Variants in TBC1D22B observed in about 807,000 individuals in gnomAD.
TBC1D22B encodes chromosome 6 open reading frame 197.
Under a neutral mutation model 69.1 loss-of-function variants are expected in TBC1D22B, and 32 were observed. The ratio of observed to expected loss-of-function variants is 0.46; its 90% CI spans 0.35 to 0.62. TBC1D22B has a LOEUF of 0.62. Ranked by LOEUF, TBC1D22B falls within the 20% of genes least tolerant of loss-of-function variation. TBC1D22B has a pLI of 0.00. For synonymous variants in TBC1D22B, 206 were observed against 229.8 expected (o/e 0.90, Z 0.94); for missense variants, 462 against 630.9 (o/e 0.73, Z 2.87).
At chr6:37,278,862 G>C (rs534777877) in intron 2 of TBC1D22B, among the ~76,000 whole-genome samples, 4 of 152,164 alleles carry the variant, frequency 2.6e-5, no homozygotes, top group Admixed American at 6.5e-5. Flanking sequence ...GAGCCCAGGA[G>C]GTCAAGGCTG....
chr6:37,267,431 A>G (rs1354802092), intron 1 of TBC1D22B, among the ~76,000 whole-genome samples: 1 of 144,118 alleles, frequency 6.9e-6, no homozygotes, highest in Non-Finnish European at 1.5e-5. Context: ...CATATAATAT[A>G]TATACACACA....
In TBC1D22B at chr6:37,279,414, A is replaced by T. The variant is rs1361972637; in HGVS notation, c.224A>T (p.Asp75Val). Reference protein sequence around the residue: ...NTSDAWDIGDDEEEDFSSPSF... With the variant: ...NTSDAWDIGDVEEEDFSSPSF... ...AGTGATGCTTGGGACATTGGCGATGATGAGGAAGAGGACTTTTCCTCACCT... is the reference window on the plus strand; with the variant it reads ...AGTGATGCTTGGGACATTGGCGATGTTGAGGAAGAGGACTTTTCCTCACCT... Residue 75 changes from aspartate to valine, a missense_variant, in exon 3 of 13, where the codon GAT (aspartate) becomes GTT (valine). By Grantham distance (152) the Asp-to-Val change is radical (BLOSUM62 -3). This residue lies in a region of TBC1D22B where 237 missense variants were observed against 255.4 expected (regional missense o/e 0.93). Coordinates refer to ENST00000373491, the MANE Select transcript of TBC1D22B (RefSeq NM_017772.4). 6.8e-6 allele frequency: 11 copies of T among 1,614,212 alleles called. No homozygotes were observed. Among genetic ancestry groups the T allele is most frequent in the Non-Finnish European group, 9.3e-6 (11 of 1,180,028 alleles).
intron 8 of TBC1D22B, among the ~76,000 whole-genome samples, chr6:37,298,538 A>ATTTTTTTTTTTT (rs1767459078): frequency 1.8e-5 from 2 of 112,878 alleles, no homozygotes; most frequent in African/African-American, 7.2e-5. Context: ...AGTTGCCTAC[A>ATTTTTTTTTTTT]GTTTTTTTTT....
At chr6:37,293,603 A>G (rs9462290) in intron 8 of TBC1D22B, among the ~76,000 whole-genome samples, 1,579 of 152,282 alleles carry the variant, frequency 0.01, 24 homozygotes, top group African/African-American at 0.036. Context: ...AATTAGGTCA[A>G]TTAATAACCC....
chr6:37,261,678 C>T (rs969649758), intron 1 of TBC1D22B, among the ~76,000 whole-genome samples: 6 of 152,118 alleles, frequency 3.9e-5, no homozygotes, highest in African/African-American at 9.6e-5. Flanking sequence ...AGGATAGTTA[C>T]GATGATAGTA....
intron 6 of TBC1D22B, among the ~76,000 whole-genome samples, chr6:37,285,315 CTTTTTTTTTT>C (rs756459599): frequency 1.1e-4 from 8 of 73,552 alleles, no homozygotes; most frequent in African/African-American, 3.0e-4. Flanking sequence ...TCCTTCCCCA[CTTTTTTTTTT>C]TTTTTTTTTT....
At position 37,331,280 on chromosome 6, in the gene TBC1D22B, C is replaced by A; in HGVS notation, c.*108C>A. ...CCGGCCAGGAACCACTCCTGTTGTACAAAGCTCACACCCACCGCCCAGGTC... is the reference window on the plus strand; with the variant it reads ...CCGGCCAGGAACCACTCCTGTTGTAAAAAGCTCACACCCACCGCCCAGGTC... On this transcript the variant is annotated 3_prime_UTR_variant, in exon 13 of 13. Coordinates refer to ENST00000373491, the MANE Select transcript of TBC1D22B (RefSeq NM_017772.4). 1 of 1,173,034 alleles carries A rather than the reference C, an allele frequency of 8.5e-7. No individual in the cohort carries two copies. Among genetic ancestry groups the A allele is most frequent in the Non-Finnish European group, 1.2e-6 (1 of 803,176 alleles). The allele number at this position is 1,173,034 out of a possible 1,614,324, so 72.7% of individuals were successfully genotyped here.
At chr6:37,315,850 C>T (rs534040667) in intron 10 of TBC1D22B, among the ~76,000 whole-genome samples, 1 of 152,336 alleles carries the variant, frequency 6.6e-6, no homozygotes, top group East Asian at 1.9e-4. Context: ...GCTGGGATTA[C>T]AGGTGTGAGC....
rs534649792 is a variant in TBC1D22B, at chr6:37,314,253, A to G, written c.1165+362A>G. On this transcript the variant is annotated intron_variant, in intron 10 of 12. Transcript: ENST00000373491. ...TCTCTTCCAAACTATCTGTCACGCA[A>G]TTGCATCTTTCTGCAGCTCTGTTCT... Among the ~76,000 whole-genome samples the G allele has an allele frequency of 4.6e-5, 7 of 152,042 alleles. No homozygotes were observed. The East Asian group carries it at 1.2e-3, about 25-fold the overall frequency.
intron 2 of TBC1D22B, among the ~76,000 whole-genome samples, chr6:37,276,223 CCAAAGTTCTGGGAT>C (rs1766667648): frequency 6.6e-6 from 1 of 152,102 alleles, no homozygotes; most frequent in South Asian, 2.1e-4. Flanking sequence ...TCTCAGCCTC[CCAAAGTTCTGGGAT>C]TACAGGCATG....
Position 37,331,076 on chromosome 6 carries a change from A to G in TBC1D22B, c.1422A>G (p.Thr474=), listed in dbSNP as rs753077382. The G allele has an allele frequency of 3.1e-6, 5 of 1,614,036 alleles. No homozygotes were observed. Among genetic ancestry groups the G allele is most frequent in the Non-Finnish European group, 4.2e-6 (5 of 1,180,020 alleles). Residue 474 remains threonine, a synonymous_variant, in exon 13 of 13, where the codon ACA becomes ACG. Coordinates refer to ENST00000373491, the MANE Select transcript of TBC1D22B (RefSeq NM_017772.4). The part of the protein sequence containing the change: ...GLLMLLQNLP[T]IHWGNEEIGL... ...TCATGCTGCTACAGAACCTACCTACAATACACTGGGGCAACGAAGAAATTG... is the reference window on the plus strand; with the variant it reads ...TCATGCTGCTACAGAACCTACCTACGATACACTGGGGCAACGAAGAAATTG...
At chr6:37,258,614 C>T (rs1431452246) in intron 1 of TBC1D22B, among the ~76,000 whole-genome samples, 1 of 152,242 alleles carries the variant, frequency 6.6e-6, no homozygotes, top group Non-Finnish European at 1.5e-5. Context: ...TCCTCCCCTG[C>T]ATTGTAATGC....
chr6:37,260,004 G>A (rs772778454), intron 1 of TBC1D22B, among the ~76,000 whole-genome samples: 11 of 152,104 alleles, frequency 7.2e-5, no homozygotes, highest in Non-Finnish European at 1.2e-4. Context: ...CATTGTCTTC[G>A]TTGTTTAAGG....
intron 10 of TBC1D22B, among the ~76,000 whole-genome samples, chr6:37,314,856 C>A (rs117963737): frequency 7.6e-6 from 1 of 131,326 alleles, no homozygotes; most frequent in African/African-American, 2.9e-5. Context: ...TTGAGTTGTT[C>A]CACTCACTCT....
At chr6:37,296,111 A>C (rs1404461911) in intron 8 of TBC1D22B, among the ~76,000 whole-genome samples, 1 of 152,062 alleles carries the variant, frequency 6.6e-6, no homozygotes, top group African/African-American at 2.4e-5. Context: ...ATTATTTACT[A>C]ATTAGTGGGG....
At chr6:37,322,059 G>A (rs535040848) in intron 12 of TBC1D22B, among the ~76,000 whole-genome samples, 45 of 152,262 alleles carry the variant, frequency 3.0e-4, no homozygotes, top group African/African-American at 1.0e-3. Flanking sequence ...TTTGATGTGG[G>A]TCATTTTTAC....
intron 8 of TBC1D22B, among the ~76,000 whole-genome samples, chr6:37,308,206 T>C (rs995877768): frequency 3.7e-4 from 57 of 152,362 alleles, no homozygotes; most frequent in African/African-American, 1.3e-3. Flanking sequence ...TGCTGCTGTA[T>C]GCTCTTGTCA....
chr6:37,277,935 C>T (rs745550584), intron 2 of TBC1D22B, among the ~76,000 whole-genome samples: 5 of 150,854 alleles, frequency 3.3e-5, no homozygotes, highest in South Asian at 2.1e-4. Flanking sequence ...TTGAGACTAG[C>T]GAGAGCAACA....
chr6:37,307,581 C>T (rs1767766584), intron 8 of TBC1D22B, among the ~76,000 whole-genome samples: 1 of 152,106 alleles, frequency 6.6e-6, no homozygotes, highest in African/African-American at 2.4e-5. Context: ...GTCTCAAACT[C>T]CTGACCTTGT....
Sources: allele counts gnomAD v4.1 joint callset (sites outside exome capture counted in the v4.1 genomes callset), GRCh38; gene constraint gnomAD v4.1.1; regional missense constraint gnomAD v4.1.1; transcripts MANE v1.5; gene names NCBI Gene and HGNC (gene_info 2026-07-23, HGNC 2026-07-21).